Variants in RANBP2 observed in about 807,000 individuals in gnomAD.
RANBP2 encodes the protein RAN binding protein 2.
RANBP2 carries 57 observed loss-of-function variants against 303.6 expected under a neutral mutation model. That is an observed-to-expected ratio of 0.19 (90% CI 0.15 to 0.23). The LOEUF (loss-of-function observed/expected upper bound fraction) is 0.23. RANBP2 is among the 10% of genes least tolerant of loss of function. The pLI, the probability that RANBP2 is intolerant of heterozygous loss-of-function variation, is 1.00. For missense variants in RANBP2, 3,138 were observed against 3,780.8 expected, an observed-to-expected ratio of 0.83 and a Z score of 4.46; for synonymous variants, 1,167 against 1,301.5, an observed-to-expected ratio of 0.90 and a Z score of 2.23.
the RANBP2 span, chr2:109,616,695 T>G: frequency 6.0e-6 from 1 of 167,088 alleles, no homozygotes; most frequent in East Asian, 1.9e-4. Context: ...TAAAAGCAAT[T>G]TCAGTTTTAA....
chr2:109,184,909 C>G, the RANBP2 span, among the ~76,000 whole-genome samples: 1 of 152,144 alleles, frequency 6.6e-6, no homozygotes, highest in African/African-American at 2.4e-5. Flanking sequence ...ATCAAACAAC[C>G]AAGAATGTAA....
At chr2:109,305,624 G>T in the RANBP2 span, among the ~76,000 whole-genome samples, 24 of 152,304 alleles carry the variant, frequency 1.6e-4, no homozygotes, top group African/African-American at 5.5e-4. Context: ...GGTCTGGCAG[G>T]TCCTCTTGAC....
the RANBP2 span, among the ~76,000 whole-genome samples, chr2:109,273,797 A>G: frequency 6.6e-6 from 1 of 152,130 alleles, no homozygotes; most frequent in African/African-American, 2.4e-5. Flanking sequence ...ACTGAAATCC[A>G]GATATGCTGC....
chr2:108,768,645 G>GTA (rs1474300878), intron 20 of RANBP2, among the ~76,000 whole-genome samples: 16 of 152,270 alleles, frequency 1.1e-4, no homozygotes, highest in Admixed American at 8.5e-4. Context: ...ACTCGGTACG[G>GTA]TATACGGACT....
the RANBP2 span, among the ~76,000 whole-genome samples, chr2:109,584,174 T>C: frequency 1.3e-5 from 2 of 152,058 alleles, no homozygotes; most frequent in Admixed American, 1.3e-4. Context: ...GGAAAAAAAT[T>C]ACTTACAAAA....
chr2:109,709,148 T>TA, the RANBP2 span, among the ~76,000 whole-genome samples: 3 of 149,218 alleles, frequency 2.0e-5, no homozygotes, highest in Non-Finnish European at 3.0e-5. Context: ...ACTAAAAATA[T>TA]AAAAAAAATT....
chr2:108,966,243 C>T, the RANBP2 span, among the ~76,000 whole-genome samples: 1 of 152,204 alleles, frequency 6.6e-6, no homozygotes, highest in African/African-American at 2.4e-5. Flanking sequence ...ATGTTGTTGC[C>T]TACTCAAGTT....
the RANBP2 span, among the ~76,000 whole-genome samples, chr2:109,086,399 C>T: frequency 6.6e-6 from 1 of 152,200 alleles, no homozygotes; most frequent in African/African-American, 2.4e-5. Flanking sequence ...AAGTCCTTTT[C>T]TATATATGAT....
chr2:109,117,765 T>G, the RANBP2 span, among the ~76,000 whole-genome samples: 1 of 128,686 alleles, frequency 7.8e-6, no homozygotes, highest in African/African-American at 3.2e-5. Flanking sequence ...CTGTTCCTAT[T>G]CGGCCATCTT....
At chr2:109,732,812 G>T in the RANBP2 span, 14 of 1,225,550 alleles carry the variant, frequency 1.1e-5, no homozygotes, top group Non-Finnish European at 1.4e-5. Flanking sequence ...ACTCTGAAGT[G>T]TGTGGGTTGC....
chr2:108,874,082 G>A, the RANBP2 span, among the ~76,000 whole-genome samples: 2 of 152,116 alleles, frequency 1.3e-5, no homozygotes, highest in Middle Eastern at 3.2e-3. Context: ...TCATATAAAA[G>A]TAAGAGCAGT....
the RANBP2 span, among the ~76,000 whole-genome samples, chr2:109,734,750 A>C: frequency 6.6e-6 from 1 of 152,222 alleles, no homozygotes; most frequent in Non-Finnish European, 1.5e-5. Context: ...CTTACTACAA[A>C]GCTACAGTAA....
the RANBP2 span, among the ~76,000 whole-genome samples, chr2:109,423,598 G>A: frequency 6.6e-6 from 1 of 152,246 alleles, no homozygotes; most frequent in East Asian, 1.9e-4. Context: ...ATAAGACTCG[G>A]TAAAATAAGT....
At chr2:108,802,748 A>T in the RANBP2 span, among the ~76,000 whole-genome samples, 1 of 149,844 alleles carries the variant, frequency 6.7e-6, no homozygotes, top group East Asian at 2.0e-4. Context: ...CCCATTCAGT[A>T]TGATATCGGC....
the RANBP2 span, among the ~76,000 whole-genome samples, chr2:109,107,739 CT>C: frequency 2.6e-5 from 4 of 151,686 alleles, no homozygotes; most frequent in East Asian, 1.9e-4. Flanking sequence ...CCTGCAGCAA[CT>C]TTTTTTTTCT....
chr2:109,445,859 T>A, the RANBP2 span, among the ~76,000 whole-genome samples: 1 of 152,106 alleles, frequency 6.6e-6, no homozygotes, highest in African/African-American at 2.4e-5. Flanking sequence ...AATAGATCAT[T>A]TATTCATTCC....
the RANBP2 span, among the ~76,000 whole-genome samples, chr2:109,694,581 T>C: frequency 2.0e-5 from 3 of 152,114 alleles, no homozygotes; most frequent in African/African-American, 7.2e-5. Context: ...GTCCCAGGCT[T>C]TTCAAATAAG....
chr2:109,185,091 T>G, the RANBP2 span, among the ~76,000 whole-genome samples: 2 of 152,218 alleles, frequency 1.3e-5, no homozygotes, highest in African/African-American at 4.8e-5. Context: ...ACCGTGGAGA[T>G]AGTAAAATGT....
intron 18 of RANBP2, among the ~76,000 whole-genome samples, chr2:108,761,858 G>T (rs1676751027): frequency 6.6e-6 from 1 of 152,118 alleles, no homozygotes; most frequent in Non-Finnish European, 1.5e-5. Flanking sequence ...TTGTGAGGTA[G>T]TTGTTCTTGT....
Sources: allele counts gnomAD v4.1 joint callset (sites outside exome capture counted in the v4.1 genomes callset), GRCh38; gene constraint gnomAD v4.1.1; transcripts MANE v1.5; gene names NCBI Gene and HGNC (gene_info 2026-07-23, HGNC 2026-07-21).